The following EXOC4 variants were observed in gnomAD, a reference collection of about 807,000 sequenced individuals.
EXOC4 encodes the protein exocyst complex component 4, also known as SEC8-like 1.
A neutral mutation model predicts 107.2 loss-of-function variants in EXOC4; 71 were observed. That is an observed-to-expected ratio of 0.66 (90% CI 0.55 to 0.81). EXOC4 has a LOEUF of 0.81. Among genes scored for constraint, EXOC4 ranks in the 30% least tolerant of loss-of-function variants. The pLI is 0.00. For missense variants in EXOC4, 1,108 were observed against 1,189.6 expected (o/e 0.93, Z 1.01); for synonymous variants, 456 against 441.2 (o/e 1.03, Z -0.42).
chr7:133,762,566 G>A (rs1484598311), intron 10 of EXOC4, among the ~76,000 whole-genome samples: 1 of 152,086 alleles, frequency 6.6e-6, no homozygotes, highest in Non-Finnish European at 1.5e-5. Flanking sequence ...GTGCTAGATT[G>A]ATATGCATAT....
chr7:133,690,138 C>G (rs1794388544), intron 10 of EXOC4, among the ~76,000 whole-genome samples: 1 of 152,186 alleles, frequency 6.6e-6, no homozygotes, highest in African/African-American at 2.4e-5. Flanking sequence ...TTGCTTTCAG[C>G]TTGGTGGCTT....
At chr7:133,779,769 C>T (rs530962660) in intron 10 of EXOC4, among the ~76,000 whole-genome samples, 2 of 152,110 alleles carry the variant, frequency 1.3e-5, no homozygotes, top group African/African-American at 4.8e-5. Flanking sequence ...GTAAAATGGA[C>T]CAATCAGCAC....
intron 15 of EXOC4, 95 bp downstream of exon 15, chr7:133,997,728 G>C: frequency 7.1e-7 from 1 of 1,405,846 alleles, no homozygotes; most frequent in Non-Finnish European, 9.7e-7. Context: ...ATAATTTCTG[G>C]CTCATATTAT....
At chr7:133,752,490 C>A (rs191123131) in intron 10 of EXOC4, among the ~76,000 whole-genome samples, 1 of 152,262 alleles carries the variant, frequency 6.6e-6, no homozygotes, top group African/African-American at 2.4e-5. Context: ...TTTGTTCTTT[C>A]ATTGATTCAG....
At chr7:133,931,238 A>G (rs1364266941) in intron 13 of EXOC4, among the ~76,000 whole-genome samples, 3 of 152,170 alleles carry the variant, frequency 2.0e-5, no homozygotes, top group African/African-American at 7.2e-5. Context: ...AGCCGGTTTT[A>G]TTGTTCTAGA....
chr7:133,388,547 G>A (rs555000345), intron 7 of EXOC4, among the ~76,000 whole-genome samples: 8 of 152,226 alleles, frequency 5.3e-5, no homozygotes, highest in African/African-American at 1.7e-4. Context: ...CTACTTGGGA[G>A]GCTGAGGCAG....
chr7:133,424,200 T>C (rs904242960), intron 7 of EXOC4, among the ~76,000 whole-genome samples: 18 of 152,026 alleles, frequency 1.2e-4, no homozygotes, highest in Non-Finnish European at 1.5e-5. Context: ...GCTTTCTCTT[T>C]GTAATAAATT....
chr7:133,468,046 T>C (rs1242776694), intron 7 of EXOC4, among the ~76,000 whole-genome samples: 2 of 152,170 alleles, frequency 1.3e-5, no homozygotes, highest in Non-Finnish European at 2.9e-5. Flanking sequence ...AATAAATATA[T>C]AATTTAAAAT....
intron 10 of EXOC4, among the ~76,000 whole-genome samples, chr7:133,691,680 G>GTT (rs1794423761): frequency 3.3e-5 from 5 of 152,138 alleles, no homozygotes; most frequent in Non-Finnish European, 5.9e-5. Context: ...ATGAAATCCA[G>GTT]TAAGTGGCAG....
intron 1 of EXOC4, 48 bp from the exon 2 acceptor site, chr7:133,274,934 T>G: frequency 7.2e-7 from 1 of 1,390,060 alleles, no homozygotes; most frequent in Non-Finnish European, 9.5e-7. Context: ...TCTTTTGCAT[T>G]TTACTTTCAA....
chr7:133,895,599 A>C lies in EXOC4; in HGVS notation c.1735A>C (p.Ser579Arg). The change falls in exon 12 of 18, where the codon AGC becomes CGC. Residue 579 changes from serine to arginine, a missense_variant and splice_region_variant. Coordinates refer to ENST00000253861, the MANE Select transcript of EXOC4 (RefSeq NM_021807.4). Reference sequence around the variant, plus strand: ...TCCTCTCTTTGTTGTTCATTTCCAGAGCACAATCATTGTGGAGAAGACAGT... The same window carrying C: ...TCCTCTCTTTGTTGTTCATTTCCAGCGCACAATCATTGTGGAGAAGACAGT... ...VLGVQRPLLQ[S>R]TIIVEKTVQD... 6.2e-7 allele frequency: 1 copy of C among 1,613,764 alleles called. No homozygotes were observed. The highest frequency in any genetic ancestry group is 8.5e-7 in the Non-Finnish European group (1 of 1,179,782).
intron 10 of EXOC4, among the ~76,000 whole-genome samples, chr7:133,800,241 G>A (rs1335842051): frequency 6.6e-6 from 1 of 152,060 alleles, no homozygotes; most frequent in African/African-American, 2.4e-5. Context: ...CATTCCTTTG[G>A]ATTCTCTTAA....
chr7:133,741,096 C>G (rs905185569), intron 10 of EXOC4, among the ~76,000 whole-genome samples: 4 of 152,182 alleles, frequency 2.6e-5, no homozygotes, highest in African/African-American at 9.6e-5. Context: ...TCAATTATCG[C>G]ATGTGTAGAA....
At position 133,963,633 on chromosome 7, in the gene EXOC4, A is replaced by G. The variant is rs527778060; in HGVS notation, c.2206+25564A>G. Among the ~76,000 whole-genome samples, 158 of 152,340 alleles carry G rather than the reference A, an allele frequency of 1.0e-3. 1 individual carries two copies. Among genetic ancestry groups the G allele is most frequent in the Non-Finnish European group, 1.6e-3 (110 of 68,036 alleles). On this transcript the variant is annotated intron_variant, in intron 14 of 17. Transcript: ENST00000253861. ...TTAAATTATTAGAGAGTTATCCATGATATTAAAGTGTCAAAAAGGAAAGAA... is the reference window on the plus strand; with the variant it reads ...TTAAATTATTAGAGAGTTATCCATGGTATTAAAGTGTCAAAAAGGAAAGAA...
intron 5 of EXOC4, among the ~76,000 whole-genome samples, chr7:133,343,081 G>A (rs1462577820): frequency 6.6e-6 from 1 of 151,930 alleles, no homozygotes; most frequent in African/African-American, 2.4e-5. Flanking sequence ...GATCTTTTGG[G>A]GTGTTACAGA....
chr7:133,581,840 A>G (rs1157135188), intron 9 of EXOC4, among the ~76,000 whole-genome samples: 1 of 151,716 alleles, frequency 6.6e-6, no homozygotes, highest in Non-Finnish European at 1.5e-5. Flanking sequence ...ACAGTTCTGC[A>G]TGGCTGGAGA....
At chr7:133,492,448 TTG>T (rs1233049045) in intron 9 of EXOC4, among the ~76,000 whole-genome samples, 1 of 152,112 alleles carries the variant, frequency 6.6e-6, no homozygotes, top group East Asian at 1.9e-4. Context: ...TCTCTTTTGG[TTG>T]TGTTTAGTTC....
chr7:133,577,761 G>T (rs1801163372), intron 9 of EXOC4, among the ~76,000 whole-genome samples: 1 of 152,086 alleles, frequency 6.6e-6, no homozygotes, highest in Admixed American at 6.5e-5. Flanking sequence ...TTTTCCGTAG[G>T]TCATATATGT....
At chr7:134,082,774 C>T in the EXOC4 span, among the ~76,000 whole-genome samples, 1 of 152,100 alleles carries the variant, frequency 6.6e-6, no homozygotes, top group Non-Finnish European at 1.5e-5. Context: ...CTCTTTATGA[C>T]TTGTATCTTG....
Sources: allele counts gnomAD v4.1 joint callset (sites outside exome capture counted in the v4.1 genomes callset), GRCh38; gene constraint gnomAD v4.1.1; transcripts MANE v1.5; gene names NCBI Gene and HGNC (gene_info 2026-07-23, HGNC 2026-07-21).